EXOC6B: variants seen among roughly 807,000 people sequenced by gnomAD.
EXOC6B encodes the protein SEC15 homolog B.
EXOC6B carries 54 observed loss-of-function variants against 113.5 expected under a neutral mutation model. The observed-to-expected ratio is 0.48, with a 90% confidence interval of 0.38 to 0.60. The LOEUF (loss-of-function observed/expected upper bound fraction) is 0.60. Among genes scored for constraint, EXOC6B ranks in the 20% least tolerant of loss-of-function variants. The pLI is 0.00. For missense variants in EXOC6B, 797 were observed against 977.5 expected (o/e 0.82, Z 2.46); for synonymous variants, 357 against 339.0 (o/e 1.05, Z -0.58).
chr2:72,544,380 T>C (rs1443737420), intron 8 of EXOC6B, among the ~76,000 whole-genome samples: 3 of 152,138 alleles, frequency 2.0e-5, no homozygotes, highest in Non-Finnish European at 4.4e-5. Context: ...GAAAAACGTA[T>C]ATGTTTCAAA....
At chr2:72,349,194 G>A (rs139489736) in intron 19 of EXOC6B, among the ~76,000 whole-genome samples, 237 of 152,240 alleles carry the variant, frequency 1.6e-3, no homozygotes, top group African/African-American at 5.4e-3. Flanking sequence ...GGACTGAATC[G>A]AATACACTCT....
At chr2:72,735,651 A>T (rs1305158466) in intron 2 of EXOC6B, among the ~76,000 whole-genome samples, 5 of 151,860 alleles carry the variant, frequency 3.3e-5, no homozygotes, top group Non-Finnish European at 5.9e-5. Context: ...CCCAGTCTCT[A>T]CTAAAAATAC....
intron 1 of EXOC6B, among the ~76,000 whole-genome samples, chr2:72,811,531 T>C (rs1179687093): frequency 6.6e-6 from 1 of 152,124 alleles, no homozygotes; most frequent in South Asian, 2.1e-4. Flanking sequence ...TTCCAGAAAA[T>C]AGATGAGGAG....
chr2:72,508,382 T>A (rs1700722494), intron 11 of EXOC6B, among the ~76,000 whole-genome samples: 1 of 151,858 alleles, frequency 6.6e-6, no homozygotes, highest in South Asian at 2.1e-4. Context: ...GGTGGAAGGG[T>A]TGTAACAAAG....
At chr2:72,327,340 A>G (rs1688182794) in intron 20 of EXOC6B, among the ~76,000 whole-genome samples, 2 of 152,018 alleles carry the variant, frequency 1.3e-5, no homozygotes, top group Admixed American at 1.3e-4. Context: ...TAAAATAAAA[A>G]TAAAAAGGAG....
At chr2:72,612,402 A>G (rs1477711716) in intron 6 of EXOC6B, among the ~76,000 whole-genome samples, 1 of 152,200 alleles carries the variant, frequency 6.6e-6, no homozygotes, top group African/African-American at 2.4e-5. Context: ...TAAGTGAGGC[A>G]GATGCTGGTC....
At chr2:72,543,555 C>G (rs1702732751) in intron 8 of EXOC6B, among the ~76,000 whole-genome samples, 1 of 152,130 alleles carries the variant, frequency 6.6e-6, no homozygotes, top group Non-Finnish European at 1.5e-5. Flanking sequence ...TTTTCCCCCG[C>G]CTTGTTTTAT....
chr2:72,725,724 T>C (rs1370721213), intron 5 of EXOC6B, among the ~76,000 whole-genome samples: 1 of 152,214 alleles, frequency 6.6e-6, no homozygotes, highest in Non-Finnish European at 1.5e-5. Context: ...GGCTAGGCTA[T>C]GCAGAAATTG....
intron 9 of EXOC6B, 87 bp downstream of exon 9, chr2:72,514,956 C>CACACACACACAG: frequency 1.1e-4 from 1 of 8,974 alleles, no homozygotes; most frequent in Non-Finnish European, 2.9e-4. Flanking sequence ...CACACACAGA[C>CACACACACACAG]ACACACACAC....
At chr2:72,384,453 G>A (rs577739133) in intron 18 of EXOC6B, among the ~76,000 whole-genome samples, 8 of 151,866 alleles carry the variant, frequency 5.3e-5, no homozygotes, top group African/African-American at 1.9e-4. Context: ...TTTAAGATTA[G>A]GAACAAGACA....
intron 20 of EXOC6B, among the ~76,000 whole-genome samples, chr2:72,199,641 T>C (rs1679373112): frequency 6.6e-6 from 1 of 152,206 alleles, no homozygotes; most frequent in Non-Finnish European, 1.5e-5. Flanking sequence ...CTTCCTTTTC[T>C]ATCAGAATCT....
chr2:72,631,523 A>AGAGAG (rs1672469360), intron 6 of EXOC6B, among the ~76,000 whole-genome samples: 1 of 105,058 alleles, frequency 9.5e-6, no homozygotes, highest in Non-Finnish European at 1.9e-5. Flanking sequence ...GAGAGAGAGA[A>AGAGAG]AGACAAGGTC....
chr2:72,252,893 C>G (rs1023119392), intron 20 of EXOC6B, among the ~76,000 whole-genome samples: 4 of 152,052 alleles, frequency 2.6e-5, no homozygotes, highest in Non-Finnish European at 5.9e-5. Flanking sequence ...AATCACAGAT[C>G]ACAATACTGG....
At chr2:72,331,210 G>C (rs1223852867) in intron 20 of EXOC6B, among the ~76,000 whole-genome samples, 1 of 152,020 alleles carries the variant, frequency 6.6e-6, no homozygotes, top group Non-Finnish European at 1.5e-5. Flanking sequence ...TCATTCCTTT[G>C]CTCCCAGAGG....
At chr2:72,331,284 T>C (rs1168119477) in intron 20 of EXOC6B, among the ~76,000 whole-genome samples, 1 of 152,130 alleles carries the variant, frequency 6.6e-6, no homozygotes, top group Non-Finnish European at 1.5e-5. Context: ...TTGTACACAG[T>C]AGGCACTTAG....
chr2:72,574,690 TA>T, intron 7 of EXOC6B, among the ~76,000 whole-genome samples: 1 of 152,200 alleles, frequency 6.6e-6, no homozygotes, highest in Non-Finnish European at 1.5e-5. Context: ...AATAATTTTT[TA>T]AAACTTAAAT....
In EXOC6B at chr2:72,636,377, G is replaced by GAAGGAAGGAAGGAAGGAAGC. The variant is rs1423538257; in HGVS notation, c.670-60710_670-60709insGCTTCCTTCCTTCCTTCCTT. On this transcript the variant is annotated intron_variant, in intron 6 of 21. Transcript: ENST00000272427. ...GGAAGGAAGGAAGGAAGGAAGCAAG[G>GAAGGAAGGAAGGAAGGAAGC]AAGCAAGGAAGGGAGGGAAGATGAA... is the stretch of plus-strand genomic sequence containing the variant. 1.5e-3 allele frequency among the ~76,000 whole-genome samples: 218 copies of GAAGGAAGGAAGGAAGGAAGC among 146,216 alleles called. 3 individuals are homozygous for GAAGGAAGGAAGGAAGGAAGC. Among genetic ancestry groups the GAAGGAAGGAAGGAAGGAAGC allele is most frequent in the African/African-American group, 5.5e-3 (213 of 38,446 alleles).
intron 20 of EXOC6B, among the ~76,000 whole-genome samples, chr2:72,213,844 C>T (rs1421756630): frequency 1.3e-5 from 2 of 152,156 alleles, no homozygotes; most frequent in African/African-American, 4.8e-5. Flanking sequence ...TGTACCCTCA[C>T]TGGACACGGA....
chr2:72,307,111 C>T (rs970090526), intron 20 of EXOC6B, among the ~76,000 whole-genome samples: 3 of 151,192 alleles, frequency 2.0e-5, no homozygotes, highest in African/African-American at 7.4e-5. Flanking sequence ...TCATCACATT[C>T]ATTTCTTAAA....
Sources: gnomAD v4.1 joint callset for allele counts (sites outside exome capture counted in the v4.1 genomes callset) on GRCh38, gnomAD v4.1.1 for gene constraint, MANE v1.5 for transcripts, NCBI Gene and HGNC (gene_info 2026-07-23, HGNC 2026-07-21) for gene names.